TANC2: variants seen among roughly 807,000 people sequenced by gnomAD.
The protein encoded by TANC2 is tetratricopeptide repeat, ankyrin repeat and coiled-coil containing 2, also known as protein TANC2.
A neutral mutation model predicts 210.5 loss-of-function variants in TANC2; 26 were observed. That is an observed-to-expected ratio of 0.12 (90% CI 0.09 to 0.17). The LOEUF (loss-of-function observed/expected upper bound fraction) is 0.17, where lower values mean the gene tolerates loss of function less well. TANC2 is among the 10% of genes least tolerant of loss of function. The probability of loss-of-function intolerance (pLI) is 1.00; values close to 1 mark genes in which losing one functional copy is unlikely to be tolerated. For synonymous variants in TANC2, 931 were observed against 967.1 expected, an observed-to-expected ratio of 0.96 and a Z score of 0.69; for missense variants, 2,129 against 2,608.9, an observed-to-expected ratio of 0.82 and a Z score of 4.01.
chr17:63,028,457 T>C (rs2034640136), intron 2 of TANC2, among the ~76,000 whole-genome samples: 1 of 152,072 alleles, frequency 6.6e-6, no homozygotes, highest in Non-Finnish European at 1.5e-5. Context: ...GAGTAGTAAA[T>C]TGTAAAAACA....
At chr17:63,407,485 G>C (rs1221330267) in intron 21 of TANC2, among the ~76,000 whole-genome samples, 1 of 152,224 alleles carries the variant, frequency 6.6e-6, no homozygotes, top group Non-Finnish European at 1.5e-5. Context: ...TCATGTGCCA[G>C]TAGAGGCTCC....
intron 8 of TANC2, among the ~76,000 whole-genome samples, chr17:63,249,117 G>C (rs1308627469): frequency 6.6e-6 from 1 of 152,118 alleles, no homozygotes. Context: ...AGTACTGTTT[G>C]CTGAAAACAT....
chr17:63,355,130 C>T (rs267604982), exon 14 of TANC2: 16 of 1,613,760 alleles, frequency 9.9e-6, no homozygotes, highest in Non-Finnish European at 1.3e-5. Flanking sequence ...CCCAGTCTTC[C>T]TTTGACCGGG....
At chr17:63,114,077 A>G (rs1384730174) in intron 4 of TANC2, among the ~76,000 whole-genome samples, 1 of 152,230 alleles carries the variant, frequency 6.6e-6, no homozygotes, top group Non-Finnish European at 1.5e-5. Context: ...TGTGTATCTT[A>G]TGGCTCAGTA....
At chr17:63,352,881 A>G in intron 13 of TANC2, among the ~76,000 whole-genome samples, 1 of 152,214 alleles carries the variant, frequency 6.6e-6, no homozygotes, top group East Asian at 1.9e-4. Flanking sequence ...CAATATTCCC[A>G]TCCTCCTAAA....
At chr17:63,152,226 A>G (rs1014192058) in intron 5 of TANC2, 6 of 152,192 alleles carry the variant, frequency 3.9e-5, no homozygotes, top group Non-Finnish European at 8.8e-5. Flanking sequence ...AGTGAATACA[A>G]CTACTACATA....
At chr17:63,073,017 A>G (rs1360000622) in intron 2 of TANC2, among the ~76,000 whole-genome samples, 3 of 152,132 alleles carry the variant, frequency 2.0e-5, no homozygotes, top group African/African-American at 7.2e-5. Context: ...GCTTGCAGCT[A>G]CTACCCCTTT....
At chr17:63,038,790 T>C (rs991329885) in intron 2 of TANC2, among the ~76,000 whole-genome samples, 2 of 152,198 alleles carry the variant, frequency 1.3e-5, no homozygotes, top group African/African-American at 2.4e-5. Flanking sequence ...GGCTGTGCTA[T>C]AGAATAACTT....
rs571875725 is a variant in TANC2, at chr17:62,991,650, A to C, written c.-23-17887A>C. On this transcript the variant is annotated intron_variant, in intron 1 of 27. Transcript: ENST00000689528. ...GCGAGACTCCGTCTCAAAAAAAAAA[A>C]AAACAAAAAAACAAACAAAAAAAGC... 5.3e-5 allele frequency among the ~76,000 whole-genome samples: 8 copies of C among 152,004 alleles called. No individual in the cohort carries two copies. In the East Asian group the frequency reaches 5.8e-4, roughly 11 times the overall value.
intron 9 of TANC2, among the ~76,000 whole-genome samples, chr17:63,272,987 A>AT (rs575418063): frequency 6.8e-6 from 1 of 147,040 alleles, no homozygotes; most frequent in Non-Finnish European, 1.5e-5. Context: ...TTTTATACTC[A>AT]TAAAAAAATT....
chr17:63,388,901 G>T, intron 16 of TANC2, 144 bp downstream of exon 16: 1 of 624,600 alleles, frequency 1.6e-6, no homozygotes. Flanking sequence ...ATTTTAAATT[G>T]TTAAATTTTA....
At chr17:63,025,806 TAAAA>T (rs1568327161) in intron 2 of TANC2, among the ~76,000 whole-genome samples, 53 of 118,696 alleles carry the variant, frequency 4.5e-4, no homozygotes, top group African/African-American at 1.8e-3. Context: ...AAAAATAAAA[TAAAA>T]TAAAATTAAA....
chr17:63,115,181 T>C (rs887048706), intron 4 of TANC2, among the ~76,000 whole-genome samples: 2 of 152,162 alleles, frequency 1.3e-5, no homozygotes, highest in Non-Finnish European at 2.9e-5. Flanking sequence ...CAAGACAATA[T>C]TTGAGTTAAA....
chr17:63,408,922 C>T (rs561719975), intron 21 of TANC2, among the ~76,000 whole-genome samples: 25 of 152,186 alleles, frequency 1.6e-4, no homozygotes, highest in Non-Finnish European at 2.1e-4. Context: ...GTAAATGATT[C>T]GCTTCTTACC....
At chr17:62,984,337 TTTTA>T (rs1210620017) in intron 1 of TANC2, among the ~76,000 whole-genome samples, 1 of 152,108 alleles carries the variant, frequency 6.6e-6, no homozygotes, top group Non-Finnish European at 1.5e-5. Flanking sequence ...TCATTTTTTA[TTTTA>T]TTTGAGTCTT....
intron 14 of TANC2, among the ~76,000 whole-genome samples, chr17:63,368,097 G>T (rs978995364): frequency 1.3e-5 from 2 of 152,190 alleles, no homozygotes; most frequent in African/African-American, 2.4e-5. Context: ...AGATATTTTG[G>T]TGATACTGAA....
At chr17:63,040,513 C>A (rs1568337630) in intron 2 of TANC2, among the ~76,000 whole-genome samples, 1 of 152,030 alleles carries the variant, frequency 6.6e-6, no homozygotes, top group Non-Finnish European at 1.5e-5. Context: ...TTTACTTAAG[C>A]CACACCCAGC....
chr17:63,242,802 G>A (rs1160017830), intron 8 of TANC2, among the ~76,000 whole-genome samples: 1 of 152,142 alleles, frequency 6.6e-6, no homozygotes, highest in Non-Finnish European at 1.5e-5. Flanking sequence ...CTCAGCTACA[G>A]AGGGAAATGA....
chr17:63,218,633 C>A (rs555482361), intron 7 of TANC2, among the ~76,000 whole-genome samples: 27 of 152,208 alleles, frequency 1.8e-4, no homozygotes, highest in African/African-American at 5.8e-4. Context: ...CGGTGGCTCA[C>A]CCCTGTAATC....
Sources: gnomAD v4.1 joint callset for allele counts (sites outside exome capture counted in the v4.1 genomes callset) on GRCh38, gnomAD v4.1.1 for gene constraint, MANE v1.5 for transcripts, NCBI Gene and HGNC (gene_info 2026-07-23, HGNC 2026-07-21) for gene names.